The following TSHR variants were observed in gnomAD, a reference collection of about 807,000 sequenced individuals.
TSHR encodes the protein thyroid stimulating hormone receptor.
A neutral mutation model predicts 64.1 loss-of-function variants in TSHR; 51 were observed. The ratio of observed to expected loss-of-function variants is 0.80; its 90% confidence interval spans 0.64 to 1.01. The LOEUF (loss-of-function observed/expected upper bound fraction) is 1.01. Ranked by LOEUF, TSHR falls within the 50% of genes least tolerant of loss-of-function variation. The probability of loss-of-function intolerance (pLI) is 0.00; values close to 1 mark genes in which losing one functional copy is unlikely to be tolerated. For synonymous variants in TSHR, 361 were observed against 361.9 expected (o/e 1.00, Z 0.03); for missense variants, 877 against 942.8 (o/e 0.93, Z 0.91).
intron 8 of TSHR, among the ~76,000 whole-genome samples, chr14:81,123,069 G>A (rs1228539484): frequency 6.6e-6 from 1 of 152,054 alleles, no homozygotes; most frequent in South Asian, 2.1e-4. Context: ...AGAGGTTGCA[G>A]TGAGCCGAGA....
At chr14:81,005,700 T>C (rs1367036393) in intron 1 of TSHR, among the ~76,000 whole-genome samples, 1 of 152,160 alleles carries the variant, frequency 6.6e-6, no homozygotes, top group Non-Finnish European at 1.5e-5. Context: ...CACCACAGGT[T>C]ATAATCTGAC....
chr14:81,067,126 G>T (rs982728573), intron 2 of TSHR, among the ~76,000 whole-genome samples: 1 of 152,216 alleles, frequency 6.6e-6, no homozygotes, highest in Non-Finnish European at 1.5e-5. Flanking sequence ...TCTTAAGGGA[G>T]TATGTCGTCA....
At chr14:81,038,076 T>G (rs764948533) in intron 1 of TSHR, among the ~76,000 whole-genome samples, 1 of 152,078 alleles carries the variant, frequency 6.6e-6, no homozygotes, top group Admixed American at 6.6e-5. Flanking sequence ...ATAGATTATA[T>G]GTTAGGCCAC....
chr14:81,128,835 T>C (rs1322390982), intron 8 of TSHR, among the ~76,000 whole-genome samples: 1 of 152,158 alleles, frequency 6.6e-6, no homozygotes, highest in Non-Finnish European at 1.5e-5. Context: ...CTATTTAAGT[T>C]TGCAAACTGC....
chr14:80,967,150 G>A (rs1887355679), intron 1 of TSHR, among the ~76,000 whole-genome samples: 2 of 143,148 alleles, frequency 1.4e-5, no homozygotes. Context: ...GCTAATATCT[G>A]GAGGAGAAAA....
chr14:81,036,273 T>C (rs1884620849), intron 1 of TSHR, among the ~76,000 whole-genome samples: 1 of 152,182 alleles, frequency 6.6e-6, no homozygotes, highest in South Asian at 2.1e-4. Flanking sequence ...CCAAAGAGGT[T>C]CTCTCCAAAG....
chr14:81,068,916 C>T (rs1294840588), intron 3 of TSHR, among the ~76,000 whole-genome samples: 1 of 152,122 alleles, frequency 6.6e-6, no homozygotes, highest in Non-Finnish European at 1.5e-5. Flanking sequence ...TAATATCTAG[C>T]ACCTGAAAAC....
At chr14:81,113,208 G>C (rs1890306557) in intron 8 of TSHR, among the ~76,000 whole-genome samples, 1 of 152,218 alleles carries the variant, frequency 6.6e-6, no homozygotes, top group East Asian at 1.9e-4. Context: ...GAGATGATGA[G>C]AAATAATCTG....
chr14:81,083,188 C>T (rs1888035550), intron 3 of TSHR, among the ~76,000 whole-genome samples: 2 of 152,148 alleles, frequency 1.3e-5, no homozygotes, highest in East Asian at 3.9e-4. Context: ...CAATGCTAGT[C>T]GTAACGGGAA....
At chr14:81,118,741 C>T (rs1236107256) in intron 8 of TSHR, among the ~76,000 whole-genome samples, 2 of 152,082 alleles carry the variant, frequency 1.3e-5, no homozygotes, top group Non-Finnish European at 1.5e-5. Context: ...GCCAAAAGAA[C>T]AAAGCTGGAG....
At chr14:81,087,442 A>G (rs2284735) in intron 3 of TSHR, 86,037 of 180,886 alleles carry the variant, frequency 0.48, 24,523 homozygotes, top group Non-Finnish European at 0.62. Context: ...GACAAAATAA[A>G]CCCAAGTGAA....
At chr14:81,101,960 A>G (rs562290858) in intron 7 of TSHR, among the ~76,000 whole-genome samples, 14 of 152,246 alleles carry the variant, frequency 9.2e-5, no homozygotes, top group Admixed American at 3.9e-4. Flanking sequence ...TCACAAAGTC[A>G]GGAGATCGAG....
intron 1 of TSHR, chr14:81,032,488 T>C (rs919717440): frequency 2.5e-5 from 9 of 356,168 alleles, no homozygotes; most frequent in South Asian, 2.3e-4. Flanking sequence ...AAGGGAGTTG[T>C]CAGAGTTTTC....
At chr14:81,135,837 T>C (rs1891434087) in intron 8 of TSHR, among the ~76,000 whole-genome samples, 1 of 152,208 alleles carries the variant, frequency 6.6e-6, no homozygotes, top group Non-Finnish European at 1.5e-5. Flanking sequence ...GCAACCAGAC[T>C]GTCTGATTAA....
intron 8 of TSHR, among the ~76,000 whole-genome samples, chr14:81,113,605 C>T (rs1360422258): frequency 6.6e-6 from 1 of 151,954 alleles, no homozygotes; most frequent in Non-Finnish European, 1.5e-5. Flanking sequence ...AATGACAGTA[C>T]TTCTGAGAAA....
At chr14:81,091,037 T>C in intron 4 of TSHR, 32 bp from the exon 5 acceptor site, 2 of 1,572,964 alleles carry the variant, frequency 1.3e-6, no homozygotes, top group Non-Finnish European at 1.7e-6. Flanking sequence ...CTAAATTCTA[T>C]GCTTTTTTTT....
intron 1 of TSHR, among the ~76,000 whole-genome samples, chr14:81,009,326 G>T (rs1214275416): frequency 2.0e-5 from 3 of 152,076 alleles, no homozygotes; most frequent in African/African-American, 7.2e-5. Flanking sequence ...TCATATACTG[G>T]CTACACTGCA....
intron 1 of TSHR, among the ~76,000 whole-genome samples, chr14:80,984,979 G>C (rs1430003053): frequency 6.6e-6 from 1 of 152,102 alleles, no homozygotes; most frequent in Middle Eastern, 3.2e-3. Context: ...GGCCGGGCGC[G>C]GTGGCTCAAG....
chr14:81,087,828 G>A, intron 3 of TSHR, 126 bp from the exon 4 acceptor site: 1 of 779,548 alleles, frequency 1.3e-6, no homozygotes, highest in South Asian at 1.4e-5. Context: ...AGCCCCTGGG[G>A]TACCCTGTGG....
Sources: gnomAD v4.1 joint callset for allele counts (sites outside exome capture counted in the v4.1 genomes callset) on GRCh38, gnomAD v4.1.1 for gene constraint, MANE v1.5 for transcripts, NCBI Gene and HGNC (gene_info 2026-07-23, HGNC 2026-07-21) for gene names.